The following SFTPD variants were observed in gnomAD, a reference collection of about 807,000 sequenced individuals.
The protein encoded by SFTPD is pulmonary surfactant-associated protein D.
Under a neutral mutation model 34.6 loss-of-function variants are expected in SFTPD, and 18 were observed. That is an observed-to-expected ratio of 0.52 (90% confidence interval 0.36 to 0.77). The LOEUF (loss-of-function observed/expected upper bound fraction) is 0.77. SFTPD is among the 30% of genes least tolerant of loss of function. SFTPD has a pLI of 0.00. For missense variants in SFTPD, 433 were observed against 468.9 expected (o/e 0.92, Z 0.71); for synonymous variants, 155 against 180.9 (o/e 0.86, Z 1.15).
intron 1 of SFTPD, among the ~76,000 whole-genome samples, chr10:79,981,369 A>AGAGG (rs1842888771): frequency 6.6e-6 from 1 of 152,276 alleles, no homozygotes; most frequent in African/African-American, 2.4e-5. Context: ...GTGGAGGTAG[A>AGAGG]GAGGGAAATC....
chr10:79,941,536 G>A, intron 5 of SFTPD, 22 bp from the exon 6 acceptor site: 1 of 1,549,444 alleles, frequency 6.5e-7, no homozygotes, highest in Non-Finnish European at 8.8e-7. Context: ...GAAGAACTGG[G>A]TGAGCTATGT....
intron 1 of SFTPD, among the ~76,000 whole-genome samples, chr10:79,947,421 C>T (rs1842676402): frequency 1.3e-5 from 2 of 152,146 alleles, no homozygotes; most frequent in South Asian, 2.1e-4. Flanking sequence ...TGGGCACGGT[C>T]GCTCATGCCT....
intron 7 of SFTPD, 77 bp from the exon 8 acceptor site, chr10:79,938,305 C>G: frequency 7.4e-7 from 1 of 1,343,370 alleles, no homozygotes; most frequent in Non-Finnish European, 1.0e-6. Flanking sequence ...CCTCTGTGCT[C>G]CAACCTGAGC....
intron 1 of SFTPD, among the ~76,000 whole-genome samples, chr10:79,964,983 A>G (rs1842795590): frequency 9.2e-5 from 14 of 152,258 alleles, no homozygotes; most frequent in Admixed American, 7.9e-4. Flanking sequence ...ACCAGCCTTT[A>G]TTAGTCAAAT....
chr10:79,968,279 A>G (rs188739460), intron 1 of SFTPD: 1 of 152,272 alleles, frequency 6.6e-6, no homozygotes, highest in East Asian at 1.9e-4. Flanking sequence ...CGGTACTATT[A>G]TACCCACTTC....
At chr10:79,947,038 C>T (rs948507527) in intron 1 of SFTPD, among the ~76,000 whole-genome samples, 1 of 152,206 alleles carries the variant, frequency 6.6e-6, no homozygotes, top group Non-Finnish European at 1.5e-5. Flanking sequence ...GGGCAGGACA[C>T]CCCCCGCCCA....
intron 7 of SFTPD, among the ~76,000 whole-genome samples, chr10:79,938,657 A>G (rs1273673730): frequency 6.6e-6 from 1 of 152,148 alleles, no homozygotes; most frequent in Non-Finnish European, 1.5e-5. Context: ...CCAGTTTCTG[A>G]GAGTACAGAA....
chr10:79,956,659 G>C (rs1458069378), intron 1 of SFTPD, among the ~76,000 whole-genome samples: 1 of 152,244 alleles, frequency 6.6e-6, no homozygotes, highest in African/African-American at 2.4e-5. Context: ...CGGGAAGCTC[G>C]AACTGGGTGG....
At chr10:79,941,668 ACTGT>A in intron 5 of SFTPD, 154 bp from the exon 6 acceptor site, 2 of 644,466 alleles carry the variant, frequency 3.1e-6, no homozygotes, top group South Asian at 3.8e-5. Context: ...CTGTACACTG[ACTGT>A]CCCTGTCACC....
At position 79,941,480 on chromosome 10, in the gene SFTPD, T is replaced by C. The variant is rs114100256; in HGVS notation, c.585A>G (p.Pro195=). The C allele has an allele frequency of 5.4e-4, 867 of 1,612,356 alleles. 6 individuals are homozygous for C. In the African/African-American group the frequency reaches 0.01, roughly 19 times the overall value. Residue 195 remains proline (P), a synonymous_variant, in exon 6 of 8, where the codon CCA becomes CCG. Coordinates refer to ENST00000372292, the MANE Select transcript of SFTPD (RefSeq NM_003019.5). The part of the protein sequence containing the change: ...SAGAMGPQGS[P]GARGPPGLKG... ...TCAATCCCGGGGGTCCCCTGGCACC[T>C]GGACTTCCCTGGGGACCCATGGCTC... is the stretch of plus-strand genomic sequence containing the variant.
rs149865718 is a variant in SFTPD at position 79,946,482 on chromosome 10, G to A, written c.178C>T (p.Arg60Trp). The A allele has an allele frequency of 3.7e-5, 60 of 1,613,888 alleles. No individual in the cohort carries two copies. Among genetic ancestry groups the A allele is most frequent in the Middle Eastern group, 1.7e-4 (1 of 6,060 alleles). ...CTACCTGGGTCCCCCTTCTCGCCCC[G>A]AGGGCCCTCTCTCCCATCCCGTCCA... Reference protein sequence around the residue: ...RDGRDGREGPRGEKGDPGLPG... With the variant: ...RDGRDGREGPWGEKGDPGLPG... Residue 60 changes from arginine (R) to tryptophan (W), a missense_variant, in exon 2 of 8, where the codon CGG (arginine) becomes TGG (tryptophan). Transcript: ENST00000372292.
intron 7 of SFTPD, among the ~76,000 whole-genome samples, chr10:79,940,102 C>T (rs963328748): frequency 1.3e-5 from 2 of 152,202 alleles, no homozygotes; most frequent in South Asian, 2.1e-4. Context: ...GGTCAGGCCC[C>T]CACCTGCCTT....
At chr10:79,955,283 C>T (rs61858842) in intron 1 of SFTPD, among the ~76,000 whole-genome samples, 22,260 of 151,900 alleles carry the variant, frequency 0.15, 2,068 homozygotes, top group East Asian at 0.41. Flanking sequence ...TATTTCTGAG[C>T]AGGAAGGAAG....
chr10:79,976,986 A>G (rs1043402692), intron 1 of SFTPD, among the ~76,000 whole-genome samples: 19 of 152,196 alleles, frequency 1.2e-4, no homozygotes, highest in African/African-American at 4.6e-4. Flanking sequence ...GATGGCAGCC[A>G]TGTAAGAAGT....
At chr10:79,965,758 G>A (rs1184472159) in intron 1 of SFTPD, among the ~76,000 whole-genome samples, 31 of 62,694 alleles carry the variant, frequency 4.9e-4, no homozygotes, top group Admixed American at 7.2e-4. Flanking sequence ...ACAGTCCCCA[G>A]AGTGTGATAT....
intron 4 of SFTPD, 106 bp from the exon 5 acceptor site, chr10:79,942,176 A>G (rs1489618758): frequency 2.4e-6 from 2 of 832,014 alleles, no homozygotes; most frequent in Non-Finnish European, 3.9e-6. Context: ...TCAGAGAGAG[A>G]AGTGGGGAGA....
intron 1 of SFTPD, among the ~76,000 whole-genome samples, chr10:79,948,522 T>C (rs376109087): frequency 6.6e-6 from 1 of 152,154 alleles, no homozygotes; most frequent in African/African-American, 2.4e-5. Flanking sequence ...GAGTACAATT[T>C]CATTGAAAAG....
At chr10:79,973,526 G>A (rs1019042380) in intron 1 of SFTPD, among the ~76,000 whole-genome samples, 13 of 149,484 alleles carry the variant, frequency 8.7e-5, no homozygotes, top group Non-Finnish European at 1.8e-4. Flanking sequence ...GCTTAGGCAG[G>A]AGAACTGCTT....
intron 1 of SFTPD, chr10:79,971,898 G>A (rs371591596): frequency 1.5e-4 from 23 of 152,206 alleles, no homozygotes; most frequent in African/African-American, 5.5e-4. Flanking sequence ...GACTTAAGAA[G>A]TTTTTAGCTA....
Sources: allele counts gnomAD v4.1 joint callset (sites outside exome capture counted in the v4.1 genomes callset), GRCh38; gene constraint gnomAD v4.1.1; transcripts MANE v1.5; gene names NCBI Gene and HGNC (gene_info 2026-07-23, HGNC 2026-07-21).